The following LIMA1 variants were observed in gnomAD, a reference collection of about 807,000 sequenced individuals.
The protein encoded by LIMA1 is LIM domain and actin-binding protein 1.
A neutral mutation model predicts 62.6 loss-of-function variants in LIMA1; 52 were observed. That is an observed-to-expected ratio of 0.83 (90% CI 0.67 to 1.05). The LOEUF (loss-of-function observed/expected upper bound fraction) is 1.05. Among genes scored for constraint, LIMA1 ranks in the 50% least tolerant of loss-of-function variants. The probability of loss-of-function intolerance (pLI) is 0.00; values close to 1 mark genes in which losing one functional copy is unlikely to be tolerated. For synonymous variants in LIMA1, 302 were observed against 317.8 expected (o/e 0.95, Z 0.53); for missense variants, 780 against 902.2 (o/e 0.86, Z 1.74).
Position 50,230,345 on chromosome 12 carries a change from C to G in LIMA1, c.165+1320G>C, listed in dbSNP as rs185401440. On this transcript the variant is annotated intron_variant, in intron 3 of 10. Coordinates refer to ENST00000341247, the MANE Select transcript of LIMA1 (RefSeq NM_016357.5). Reference sequence around the variant, plus strand: ...GCCACCGCGCCCAGCCATACTGACACAATTTCTTTATTGTCTGTCTTTTGC... The same window carrying G: ...GCCACCGCGCCCAGCCATACTGACAGAATTTCTTTATTGTCTGTCTTTTGC... Among the ~76,000 whole-genome samples the G allele has an allele frequency of 2.7e-4, 41 of 151,714 alleles. No homozygotes were observed. The East Asian group carries it at 7.5e-3, about 28-fold the overall frequency.
chr12:50,254,527 A>G (rs140896001), intron 1 of LIMA1, among the ~76,000 whole-genome samples: 42 of 152,302 alleles, frequency 2.8e-4, no homozygotes, highest in Non-Finnish European at 1.8e-4. Context: ...CAAACCAGGT[A>G]GCTTGAGATG....
intron 2 of LIMA1, among the ~76,000 whole-genome samples, chr12:50,234,831 C>T (rs948473253): frequency 6.6e-6 from 1 of 152,086 alleles, no homozygotes; most frequent in Non-Finnish European, 1.5e-5. Context: ...CTGCGCAACA[C>T]AGTAAAACCC....
intron 2 of LIMA1, among the ~76,000 whole-genome samples, chr12:50,241,578 T>C (rs1941776747): frequency 6.6e-6 from 1 of 152,200 alleles, no homozygotes; most frequent in South Asian, 2.1e-4. Flanking sequence ...CTGTCTTTAA[T>C]CCTGTTCTCA....
intron 1 of LIMA1, among the ~76,000 whole-genome samples, chr12:50,256,737 G>A (rs149995676): frequency 4.5e-4 from 68 of 152,234 alleles, no homozygotes; most frequent in African/African-American, 1.5e-3. Flanking sequence ...TTGGAGAAGC[G>A]GTTGATTCCA....
At chr12:50,195,807 C>T in intron 8 of LIMA1, 23 bp downstream of exon 8, 1 of 1,582,946 alleles carries the variant, frequency 6.3e-7, no homozygotes, top group Non-Finnish European at 8.5e-7. Context: ...CCTCATCCTC[C>T]AGATCTAAGA....
chr12:50,230,553 T>C (rs796253882), intron 3 of LIMA1, among the ~76,000 whole-genome samples: 6 of 152,150 alleles, frequency 3.9e-5, no homozygotes, highest in African/African-American at 1.2e-4. Context: ...AAAGTAATGG[T>C]AGTTTTTTCT....
chr12:50,260,253 T>C (rs1046436531), intron 1 of LIMA1, among the ~76,000 whole-genome samples: 1 of 152,104 alleles, frequency 6.6e-6, no homozygotes, highest in Non-Finnish European at 1.5e-5. Context: ...GTTCAAGTGA[T>C]TCTCCTGCCT....
intron 4 of LIMA1, among the ~76,000 whole-genome samples, chr12:50,208,421 G>C (rs751321492): frequency 2.1e-4 from 32 of 152,180 alleles, no homozygotes; most frequent in Non-Finnish European, 4.0e-4. Flanking sequence ...AGGAGGCGGA[G>C]GTTGCAGTGA....
chr12:50,264,186 G>T (rs1466983083), intron 1 of LIMA1, among the ~76,000 whole-genome samples: 1 of 151,936 alleles, frequency 6.6e-6, no homozygotes, highest in Non-Finnish European at 1.5e-5. Flanking sequence ...GACAGAAAAA[G>T]AATTAGTGGT....
At chr12:50,210,429 A>G (rs1229208733) in intron 4 of LIMA1, among the ~76,000 whole-genome samples, 1 of 145,394 alleles carries the variant, frequency 6.9e-6, no homozygotes, top group South Asian at 2.1e-4. Flanking sequence ...AAAAAAAAAA[A>G]AAAAAAGAAA....
intron 3 of LIMA1, among the ~76,000 whole-genome samples, chr12:50,222,947 A>T (rs1212354320): frequency 6.6e-6 from 1 of 152,136 alleles, no homozygotes; most frequent in African/African-American, 2.4e-5. Flanking sequence ...TTTAAATAAG[A>T]CAAAGATGCA....
intron 1 of LIMA1, among the ~76,000 whole-genome samples, chr12:50,254,017 G>C (rs573636287): frequency 1.2e-3 from 145 of 116,322 alleles, no homozygotes; most frequent in African/African-American, 4.7e-3. Flanking sequence ...GACAGAGCGA[G>C]ACTCTGTCTC....
chr12:50,274,161 T>C lies in LIMA1; in HGVS notation c.-24+9259A>G, dbSNP rs546619047. On this transcript the variant is annotated intron_variant, in intron 1 of 10. Transcript: ENST00000341247. Reference sequence around the variant, plus strand: ...GTTAAAAAAAATACAACACTTTGGATTGCAAAACAAAACAAGACTTGTCCA... The same window carrying C: ...GTTAAAAAAAATACAACACTTTGGACTGCAAAACAAAACAAGACTTGTCCA... Among the ~76,000 whole-genome samples the C allele has an allele frequency of 3.9e-5, 6 of 152,336 alleles. No homozygotes were observed. In the East Asian group the frequency reaches 1.2e-3, roughly 29 times the overall value.
At chr12:50,219,709 A>G (rs981097507) in intron 4 of LIMA1, 10 of 152,110 alleles carry the variant, frequency 6.6e-5, no homozygotes, top group African/African-American at 2.4e-4. Context: ...TTTTTAAGGG[A>G]CAGGGATCTT....
At chr12:50,228,005 G>A (rs540419833) in intron 3 of LIMA1, among the ~76,000 whole-genome samples, 2 of 151,866 alleles carry the variant, frequency 1.3e-5, no homozygotes, top group South Asian at 2.1e-4. Context: ...GACTACAGGC[G>A]CCCGCCACCG....
chr12:50,208,993 T>TTTC lies in LIMA1; in HGVS notation c.631-2926_631-2925insGAA, dbSNP rs542716503. 8.1e-3 allele frequency among the ~76,000 whole-genome samples: 476 copies of TTTC among 58,660 alleles called. 1 individual carries two copies. Among genetic ancestry groups the TTTC allele is most frequent in the Non-Finnish European group, 0.014 (380 of 27,808 alleles). 38.5% of individuals were successfully genotyped at this position (58,660 alleles called of 152,430 possible). On this transcript the variant is annotated intron_variant, in intron 4 of 10. Coordinates refer to ENST00000341247, the MANE Select transcript of LIMA1 (RefSeq NM_016357.5). ...TTTAAGTCTATTTTTTCTTTCTTTC[T>TTTC]TTTTTTTTTTTTTTTACAGTAGAGA... is the stretch of plus-strand genomic sequence containing the variant.
At chr12:50,193,866 A>G (rs1437265378) in intron 8 of LIMA1, among the ~76,000 whole-genome samples, 3 of 149,142 alleles carry the variant, frequency 2.0e-5, no homozygotes, top group Non-Finnish European at 4.5e-5. Context: ...GGGTTTCACC[A>G]TGTTGCCCAG....
intron 2 of LIMA1, among the ~76,000 whole-genome samples, chr12:50,233,982 A>T (rs1941650260): frequency 6.6e-6 from 1 of 152,178 alleles, no homozygotes; most frequent in Admixed American, 6.5e-5. Context: ...TTTCTTAGAG[A>T]TGCAAAAATA....
intron 4 of LIMA1, among the ~76,000 whole-genome samples, chr12:50,218,911 A>AAC (rs1941396901): frequency 1.5e-5 from 1 of 65,082 alleles, no homozygotes; most frequent in African/African-American, 7.2e-5. Context: ...AAAAAAAAAC[A>AAC]AAAACAAAAA....
Sources: allele counts gnomAD v4.1 joint callset (sites outside exome capture counted in the v4.1 genomes callset), GRCh38; gene constraint gnomAD v4.1.1; transcripts MANE v1.5; gene names NCBI Gene and HGNC (gene_info 2026-07-23, HGNC 2026-07-21).